SORCS2: variants seen among roughly 807,000 people sequenced by gnomAD.
SORCS2 encodes sortilin related VPS10 domain containing receptor 2, also known as VPS10 domain-containing receptor SorCS2.
Under a neutral mutation model 141.6 loss-of-function variants are expected in SORCS2, and 100 were observed. That is an observed-to-expected ratio of 0.71 (90% CI 0.60 to 0.83). SORCS2 has a LOEUF of 0.83. Among genes scored for constraint, SORCS2 ranks in the 40% least tolerant of loss-of-function variants. The pLI, the probability that SORCS2 is intolerant of heterozygous loss-of-function variation, is 0.00. For synonymous variants in SORCS2, 789 were observed against 676.9 expected (o/e 1.17, Z -2.57); for missense variants, 1,646 against 1,560.2 (o/e 1.05, Z -0.93).
chr4:7,336,168 C>T (rs562341624), intron 1 of SORCS2, among the ~76,000 whole-genome samples: 2 of 152,358 alleles, frequency 1.3e-5, no homozygotes, highest in South Asian at 2.1e-4. Flanking sequence ...TAGCTGAGGC[C>T]CCGCTGCCCC....
At chr4:7,594,643 C>T (rs181777554) in intron 3 of SORCS2, among the ~76,000 whole-genome samples, 1 of 152,258 alleles carries the variant, frequency 6.6e-6, no homozygotes, top group Non-Finnish European at 1.5e-5. Flanking sequence ...TAGGAAGCCC[C>T]TAATTTACAG....
intron 4 of SORCS2, among the ~76,000 whole-genome samples, chr4:7,651,084 T>C (rs958261549): frequency 2.0e-5 from 3 of 152,118 alleles, no homozygotes; most frequent in African/African-American, 7.2e-5. Context: ...AGCCCCGATG[T>C]CTGTGTTCAC....
chr4:7,530,501 T>C (rs1711551609), intron 2 of SORCS2, among the ~76,000 whole-genome samples: 1 of 152,224 alleles, frequency 6.6e-6, no homozygotes, highest in South Asian at 2.1e-4. Flanking sequence ...TCCACCCCTG[T>C]GCCTCTCCCC....
chr4:7,581,964 T>G (rs1716188444), intron 3 of SORCS2, among the ~76,000 whole-genome samples: 1 of 152,254 alleles, frequency 6.6e-6, no homozygotes, highest in Non-Finnish European at 1.5e-5. Flanking sequence ...AATTTTATAC[T>G]CTGAATTTTT....
intron 1 of SORCS2, among the ~76,000 whole-genome samples, chr4:7,202,599 A>G (rs1393124511): frequency 6.6e-6 from 1 of 152,242 alleles, no homozygotes; most frequent in Non-Finnish European, 1.5e-5. Flanking sequence ...CACCGAGCAC[A>G]TTTCTTGCAA....
Position 7,252,963 on chromosome 4 carries a change from G to T in SORCS2, c.480+59837G>T, listed in dbSNP as rs139512719. ...TCCCCAGATGGAGCCTCAGGAAGCT[G>T]CATGACTGTCCCAGCTCAGAGCCAG... On this transcript the variant is annotated intron_variant, in intron 1 of 26. Coordinates refer to ENST00000507866, the MANE Select transcript of SORCS2 (RefSeq NM_020777.3). 7.5e-3 allele frequency among the ~76,000 whole-genome samples: 1,141 copies of T among 152,368 alleles called. 46 individuals are homozygous for T. The highest frequency in any genetic ancestry group is 0.065 in the Admixed American group (991 of 15,306).
At chr4:7,277,213 G>T (rs904425581) in intron 1 of SORCS2, among the ~76,000 whole-genome samples, 1 of 152,210 alleles carries the variant, frequency 6.6e-6, no homozygotes, top group African/African-American at 2.4e-5. Flanking sequence ...GGAGGCAGGG[G>T]CTTGTGGAGT....
intron 2 of SORCS2, among the ~76,000 whole-genome samples, chr4:7,457,521 C>T (rs1728992463): frequency 6.6e-6 from 1 of 151,904 alleles, no homozygotes; most frequent in African/African-American, 2.4e-5. Flanking sequence ...GGGCCTGGTT[C>T]ACACCAGGGA....
chr4:7,433,829 C>T, intron 2 of SORCS2: 1 of 1,613,850 alleles, frequency 6.2e-7, no homozygotes, highest in Non-Finnish European at 8.5e-7. Flanking sequence ...ATTTTGGCCA[C>T]AAGCTGCACC....
chr4:7,433,153 G>T, intron 2 of SORCS2: 1 of 696,648 alleles, frequency 1.4e-6, no homozygotes, highest in Non-Finnish European at 2.1e-6. Flanking sequence ...GTTGTTAAGA[G>T]AGAGGCTTTC....
chr4:7,192,908 G>A lies in SORCS2; in HGVS notation c.262G>A (p.Gly88Ser). The A allele has an allele frequency of 8.5e-7, 1 of 1,175,696 alleles. No individual in the cohort carries two copies. Among genetic ancestry groups the A allele is most frequent in the Non-Finnish European group, 1.0e-6 (1 of 953,168 alleles). 72.8% of individuals were successfully genotyped at this position (1,175,696 alleles called of 1,614,324 possible). The change falls in exon 1 of 27, where the codon GGC (glycine) becomes AGC (serine). Residue 88 changes from glycine to serine, a missense_variant. Physicochemically the swap from Gly to Ser is moderately conservative, Grantham distance 56. Transcript: ENST00000507866. This position sits in a 1 kb window ranked among gnomAD's most constrained non-coding sequence, Gnocchi z 4.0. ...TGGCGGCGAGGACCGGCAGGCGCGC[G>A]GCACGGAGCCAGGCGCCCCGGGTCC... Reference protein sequence around the residue: ...PGGGEDRQARGTEPGAPGPSP... With the variant: ...PGGGEDRQARSTEPGAPGPSP...
chr4:7,379,772 C>T (rs1722879349), intron 1 of SORCS2, among the ~76,000 whole-genome samples: 1 of 152,192 alleles, frequency 6.6e-6, no homozygotes, highest in Non-Finnish European at 1.5e-5. Context: ...AGATTTATTC[C>T]AAGACCTCTA....
chr4:7,563,633 G>A (rs186768225), intron 3 of SORCS2, among the ~76,000 whole-genome samples: 4 of 152,320 alleles, frequency 2.6e-5, no homozygotes, highest in African/African-American at 9.6e-5. Context: ...GATGCCATCT[G>A]CTTCTGCTTA....
rs77809700 is a variant in SORCS2 at position 7,739,719 on chromosome 4, C to T, written c.3416-481C>T. Among the ~76,000 whole-genome samples the T allele has an allele frequency of 3.4e-3, 519 of 152,238 alleles. 1 individual carries two copies. The highest frequency in any genetic ancestry group is 5.1e-3 in the African/African-American group (211 of 41,538). Reference sequence around the variant, plus strand: ...GGGGCAGCTCTGGGTCCTGGGTCCTCGACCTGTCTCCTTGACTCCTAACCA... The same window carrying T: ...GGGGCAGCTCTGGGTCCTGGGTCCTTGACCTGTCTCCTTGACTCCTAACCA... On this transcript the variant is annotated intron_variant, in intron 26 of 26. Coordinates refer to ENST00000507866, the MANE Select transcript of SORCS2 (RefSeq NM_020777.3).
intron 1 of SORCS2, among the ~76,000 whole-genome samples, chr4:7,391,189 G>T (rs1723837038): frequency 6.6e-6 from 1 of 152,216 alleles, no homozygotes; most frequent in Non-Finnish European, 1.5e-5. Flanking sequence ...GGGCCACCTG[G>T]TAAGGACAGC....
At chr4:7,437,822 C>A (rs1198968100) in intron 2 of SORCS2, among the ~76,000 whole-genome samples, 7 of 152,182 alleles carry the variant, frequency 4.6e-5, no homozygotes, top group African/African-American at 1.7e-4. Flanking sequence ...ACCTGCCCCA[C>A]TTGTTTCGAG....
intron 16 of SORCS2, among the ~76,000 whole-genome samples, 183 bp downstream of exon 16, chr4:7,714,556 A>G (rs1726059408): frequency 6.6e-6 from 1 of 152,176 alleles, no homozygotes; most frequent in South Asian, 2.1e-4. Context: ...AGACCAGCCC[A>G]CACTCCAGGA....
chr4:7,365,592 C>T (rs117299102), intron 1 of SORCS2, among the ~76,000 whole-genome samples: 10 of 152,144 alleles, frequency 6.6e-5, no homozygotes, highest in Non-Finnish European at 1.3e-4. Context: ...AACAGAGACA[C>T]GTGGGGTCCC....
intron 1 of SORCS2, among the ~76,000 whole-genome samples, chr4:7,305,278 G>A (rs552372838): frequency 9.2e-5 from 14 of 151,976 alleles, no homozygotes; most frequent in East Asian, 1.9e-4. Flanking sequence ...TGATCTGCCC[G>A]CCTCGGCCTC....
Sources: allele counts gnomAD v4.1 joint callset (sites outside exome capture counted in the v4.1 genomes callset), GRCh38; gene constraint gnomAD v4.1.1; non-coding constraint Gnocchi (gnomAD v3.1); transcripts MANE v1.5; gene names NCBI Gene and HGNC (gene_info 2026-07-23, HGNC 2026-07-21).